Variants in BCAS3 observed in about 807,000 individuals in gnomAD.
BCAS3 encodes the protein BCAS4/BCAS3 fusion.
Under a neutral mutation model 116.1 loss-of-function variants are expected in BCAS3, and 53 were observed. That is an observed-to-expected ratio of 0.46 (90% confidence interval 0.37 to 0.57). The LOEUF (loss-of-function observed/expected upper bound fraction) is 0.57. Among genes scored for constraint, BCAS3 ranks in the 20% least tolerant of loss-of-function variants. The pLI is 0.00. For synonymous variants in BCAS3, 391 were observed against 408.2 expected (o/e 0.96, Z 0.51); for missense variants, 917 against 1,165.4 (o/e 0.79, Z 3.10).
chr17:60,875,651 A>C (rs1055660495), intron 9 of BCAS3, among the ~76,000 whole-genome samples: 1 of 152,024 alleles, frequency 6.6e-6, no homozygotes, highest in African/African-American at 2.4e-5. Flanking sequence ...GTCATCTTAA[A>C]ATGGTTAAAT....
chr17:60,924,242 C>T (rs2059252439), intron 12 of BCAS3, among the ~76,000 whole-genome samples, 165 bp from the exon 13 acceptor site: 2 of 152,124 alleles, frequency 1.3e-5, no homozygotes, highest in South Asian at 4.1e-4. Context: ...TATATCTCTT[C>T]CTCAATTCTA....
intron 22 of BCAS3, among the ~76,000 whole-genome samples, chr17:61,357,499 C>T (rs1383350798): frequency 6.7e-6 from 1 of 148,452 alleles, no homozygotes; most frequent in African/African-American, 2.5e-5. Context: ...GGCTGGAGTG[C>T]AGTGGCGCGA....
Position 61,004,717 on chromosome 17 carries a change from AAG to A in BCAS3, c.1487-11031_1487-11030del, listed in dbSNP as rs1218155009. ...AGGAAAAGGATTTAAGGTTCATTGA[AAG>A]AGTTATTAACATTGGATGATGTGTT... On this transcript the variant is annotated intron_variant, in intron 15 of 23. Coordinates refer to ENST00000407086, the MANE Select transcript of BCAS3 (RefSeq NM_017679.5). The surrounding 1 kb of genome is among the most constrained non-coding windows in gnomAD (Gnocchi z 4.8). 4.6e-5 allele frequency among the ~76,000 whole-genome samples: 7 copies of A among 152,160 alleles called. No individual in the cohort carries two copies. Among genetic ancestry groups the A allele is most frequent in the African/African-American group, 9.7e-5 (4 of 41,450 alleles).
chr17:61,187,077 T>C (rs2079826399), intron 22 of BCAS3, among the ~76,000 whole-genome samples: 1 of 152,210 alleles, frequency 6.6e-6, no homozygotes, highest in Non-Finnish European at 1.5e-5. Flanking sequence ...AAAAATGAAG[T>C]AACCCTTATT....
In BCAS3 at chr17:61,364,162, T is replaced by C. The variant is rs2058606735; in HGVS notation, c.2426-4165T>C. Among the ~76,000 whole-genome samples, 1 of 152,198 alleles carries C rather than the reference T, an allele frequency of 6.6e-6. No homozygotes were observed. Among genetic ancestry groups the C allele is most frequent in the Non-Finnish European group, 1.5e-5 (1 of 68,044 alleles). ...TCTCAGGACGGTAGAAATGATCAGG[T>C]GCTTCTTTGCTGAACACTTCTGATA... On this transcript the variant is annotated intron_variant, in intron 22 of 23. Transcript: ENST00000407086. The surrounding 1 kb of genome is among the most constrained non-coding windows in gnomAD (Gnocchi z 5.4).
In BCAS3 at chr17:61,248,224, A is replaced by G. The variant is rs571357241; in HGVS notation, c.2426-120103A>G. Among the ~76,000 whole-genome samples the G allele has an allele frequency of 6.6e-6, 1 of 152,238 alleles. No individual in the cohort carries two copies. The highest frequency in any genetic ancestry group is 2.1e-4 in the South Asian group (1 of 4,812). Reference sequence around the variant, plus strand: ...CTATCTCTTTTGTAGGTGGTACCCTATTTGAGTCCTTCTGAAGACTGGAGC... The same window carrying G: ...CTATCTCTTTTGTAGGTGGTACCCTGTTTGAGTCCTTCTGAAGACTGGAGC... On this transcript the variant is annotated intron_variant, in intron 22 of 23. Transcript: ENST00000407086. This position sits in a 1 kb window ranked among gnomAD's most constrained non-coding sequence, Gnocchi z 4.3.
rs1460914209 is a variant in BCAS3 at position 61,363,075 on chromosome 17, G to A, written c.2426-5252G>A. 6.6e-6 allele frequency among the ~76,000 whole-genome samples: 1 copy of A among 152,112 alleles called. No homozygotes were observed. The highest frequency in any genetic ancestry group is 2.4e-5 in the African/African-American group (1 of 41,424). On this transcript the variant is annotated intron_variant, in intron 22 of 23. Coordinates refer to ENST00000407086, the MANE Select transcript of BCAS3 (RefSeq NM_017679.5). The surrounding 1 kb of genome is among the most constrained non-coding windows in gnomAD (Gnocchi z 4.9). ...CATTATGGAGGAATTCATGCCCTCG[G>A]GAGCTTCTAAACTAGTTAGAAAAGC...
At chr17:60,770,400 C>CT (rs35691381) in intron 6 of BCAS3, among the ~76,000 whole-genome samples, 966 of 76,812 alleles carry the variant, frequency 0.013, 311 homozygotes, top group Non-Finnish European at 0.018. Flanking sequence ...AGTGTTCCCT[C>CT]TTTTTTTTTT....
rs1217354943 is a variant in BCAS3, at chr17:61,132,782, C to G, written c.2425+48218C>G. Among the ~76,000 whole-genome samples the G allele has an allele frequency of 6.6e-6, 1 of 152,084 alleles. No individual in the cohort carries two copies. Among genetic ancestry groups the G allele is most frequent in the East Asian group, 1.9e-4 (1 of 5,186 alleles). ...GGAAGATAGAGTCCACTCCCCTATC[C>G]CCGTCAATGAGAAGAAGCTCCTTAC... On this transcript the variant is annotated intron_variant, in intron 22 of 23. Coordinates refer to ENST00000407086, the MANE Select transcript of BCAS3 (RefSeq NM_017679.5). The surrounding 1 kb of genome is among the most constrained non-coding windows in gnomAD (Gnocchi z 5.1).
intron 22 of BCAS3, among the ~76,000 whole-genome samples, chr17:61,359,613 C>T (rs540457287): frequency 2.6e-5 from 4 of 151,888 alleles, no homozygotes; most frequent in Non-Finnish European, 5.9e-5. Context: ...GCTTCAGCCT[C>T]CTGAGTAGCT....
At chr17:61,318,379 C>T (rs1011632646) in intron 22 of BCAS3, among the ~76,000 whole-genome samples, 5 of 152,182 alleles carry the variant, frequency 3.3e-5, no homozygotes, top group Non-Finnish European at 5.9e-5. Context: ...TCCTTGGTGG[C>T]GATGGAGCAG....
intron 6 of BCAS3, among the ~76,000 whole-genome samples, chr17:60,804,542 T>C (rs2048102166): frequency 6.6e-6 from 1 of 152,326 alleles, no homozygotes; most frequent in East Asian, 1.9e-4. Flanking sequence ...CCTATGGTTG[T>C]ATGTATTCCT....
At chr17:61,342,445 C>T (rs768924431) in intron 22 of BCAS3, among the ~76,000 whole-genome samples, 10 of 152,164 alleles carry the variant, frequency 6.6e-5, no homozygotes, top group Non-Finnish European at 1.0e-4. Flanking sequence ...CGTGCCCAGC[C>T]TAGGGCCTGG....
intron 7 of BCAS3, among the ~76,000 whole-genome samples, chr17:60,817,245 G>A (rs974050803): frequency 1.3e-5 from 2 of 152,202 alleles, no homozygotes; most frequent in Admixed American, 1.3e-4. Flanking sequence ...CTCTTGGAAA[G>A]GGATAATGTT....
intron 22 of BCAS3, among the ~76,000 whole-genome samples, chr17:61,110,845 C>T (rs2075035310): frequency 6.6e-6 from 1 of 152,188 alleles, no homozygotes; most frequent in Non-Finnish European, 1.5e-5. Flanking sequence ...ATGTCCCTGT[C>T]TGACAGCTTT....
chr17:61,372,559 C>G (rs2059106198), intron 23 of BCAS3, among the ~76,000 whole-genome samples: 1 of 152,182 alleles, frequency 6.6e-6, no homozygotes, highest in South Asian at 2.1e-4. Flanking sequence ...CTTTCCTTCT[C>G]TCGAGTTTCC....
At chr17:61,092,688 T>A (rs956322765) in intron 22 of BCAS3, among the ~76,000 whole-genome samples, 4 of 152,206 alleles carry the variant, frequency 2.6e-5, no homozygotes, top group Non-Finnish European at 4.4e-5. Context: ...ACTCACTGAT[T>A]TTTATTAGAT....
Position 61,332,280 on chromosome 17 carries a change from A to G in BCAS3, c.2426-36047A>G, listed in dbSNP as rs968749305. On this transcript the variant is annotated intron_variant, in intron 22 of 23. Coordinates refer to ENST00000407086, the MANE Select transcript of BCAS3 (RefSeq NM_017679.5). The surrounding 1 kb of genome is among the most constrained non-coding windows in gnomAD (Gnocchi z 5.4). ...CCACCTAAAACAGTCTTACTAGGAC[A>G]GCAGGCTTAAGGTATGCCCAGCGCT... Among the ~76,000 whole-genome samples, 3 of 152,210 alleles carry G rather than the reference A, an allele frequency of 2.0e-5. No individual in the cohort carries two copies. The highest frequency in any genetic ancestry group is 7.2e-5 in the African/African-American group (3 of 41,460).
chr17:60,806,834 T>G (rs1225778019), intron 6 of BCAS3, among the ~76,000 whole-genome samples: 1 of 152,204 alleles, frequency 6.6e-6, no homozygotes, highest in Non-Finnish European at 1.5e-5. Context: ...GAGCACCTTT[T>G]CATATGATTC....
Sources: gnomAD v4.1 joint callset for allele counts (sites outside exome capture counted in the v4.1 genomes callset) on GRCh38, gnomAD v4.1.1 for gene constraint, Gnocchi (gnomAD v3.1) non-coding constraint, MANE v1.5 for transcripts, NCBI Gene and HGNC (gene_info 2026-07-23, HGNC 2026-07-21) for gene names.